The following PROX1 variants were observed in gnomAD, a reference collection of about 807,000 sequenced individuals.
PROX1 encodes the protein prospero homeobox 1.
A neutral mutation model predicts 58.8 loss-of-function variants in PROX1; 7 were observed. That is an observed-to-expected ratio of 0.12 (90% CI 0.07 to 0.22). The LOEUF is 0.22. Among genes scored for constraint, PROX1 ranks in the 10% least tolerant of loss-of-function variants. PROX1 has a pLI of 1.00. For synonymous variants in PROX1, 350 were observed against 358.3 expected (o/e 0.98, Z 0.26); for missense variants, 675 against 927.8 (o/e 0.73, Z 3.54).
chr1:213,990,459 GTGTT>G (rs1285519487), intron 1 of PROX1, among the ~76,000 whole-genome samples: 1 of 151,180 alleles, frequency 6.6e-6, no homozygotes, highest in African/African-American at 2.4e-5. Context: ...AAGTTGGTAT[GTGTT>G]TGTTTATTTT....
chr1:214,025,290 T>A (rs1664414148), intron 4 of PROX1, among the ~76,000 whole-genome samples: 1 of 152,156 alleles, frequency 6.6e-6, no homozygotes. Context: ...TCAATCGAAC[T>A]ATCCTCCAAG....
At chr1:213,990,140 A>G (rs1456926087) in intron 1 of PROX1, among the ~76,000 whole-genome samples, 2 of 151,408 alleles carry the variant, frequency 1.3e-5, no homozygotes, top group South Asian at 2.1e-4. Context: ...ATTTAAAAAA[A>G]AAAAAAAAAA....
At chr1:214,024,106 C>T (rs1049352465) in intron 4 of PROX1, among the ~76,000 whole-genome samples, 2 of 152,140 alleles carry the variant, frequency 1.3e-5, no homozygotes, top group African/African-American at 4.8e-5. Context: ...CTAGGTTGTC[C>T]CACCCTAAAC....
chr1:213,992,271 C>T (rs756463911), intron 1 of PROX1, among the ~76,000 whole-genome samples: 6 of 151,960 alleles, frequency 3.9e-5, no homozygotes, highest in South Asian at 2.1e-4. Context: ...AACCTGATAA[C>T]GCAATCTTAG....
rs1664844647 is a variant in PROX1, at chr1:214,036,834, G to A, written c.*1000G>A. 2 of 152,188 alleles carry A rather than the reference G, an allele frequency of 1.3e-5. No individual in the cohort carries two copies. The highest frequency in any genetic ancestry group is 4.8e-5 in the African/African-American group (2 of 41,456). The allele number at this position is 152,188 out of a possible 1,614,324, so 9.4% of individuals were successfully genotyped here. On this transcript the variant is annotated 3_prime_UTR_variant, in exon 5 of 5. Transcript: ENST00000366958. ...GGCCATAAAATTCTTGCCTACACTA[G>A]AAGTTTGTTGACAGCCATTAGCTGA...
chr1:214,031,816 G>A (rs1664667540), intron 4 of PROX1, among the ~76,000 whole-genome samples: 2 of 152,086 alleles, frequency 1.3e-5, no homozygotes, highest in South Asian at 4.1e-4. Context: ...CAGAGGTAAA[G>A]GTCTCTTTTT....
In PROX1 at chr1:213,996,849, G is replaced by C; in HGVS notation, c.314G>C (p.Gly105Ala). ...QLLKNNMNKN[G>A]GTEPSFQASG... ...TTGAAAAATAACATGAACAAAAATG[G>C]TGGCACGGAGCCCAGTTTCCAAGCC... The change falls in exon 2 of 5, where the codon GGT becomes GCT. Residue 105 changes from glycine to alanine, a missense_variant. Physicochemically the swap from Gly to Ala is moderately conservative, Grantham distance 60 (BLOSUM62 0). Around this residue, in one of 8 missense-constraint regions of PROX1, gnomAD observed 157 missense variants for 197.8 expected, o/e 0.79. Coordinates refer to ENST00000366958, the MANE Select transcript of PROX1 (RefSeq NM_001270616.2). 6.2e-7 allele frequency: 1 copy of C among 1,614,088 alleles called. No homozygotes were observed. Among genetic ancestry groups the C allele is most frequent in the Non-Finnish European group, 8.5e-7 (1 of 1,180,012 alleles).
chr1:214,039,350 T>C lies in PROX1; in HGVS notation c.*3516T>C, dbSNP rs1160444903. The C allele has an allele frequency of 6.6e-6, 1 of 152,202 alleles. No individual in the cohort carries two copies. The highest frequency in any genetic ancestry group is 6.5e-5 in the Admixed American group (1 of 15,280). The allele number at this position is 152,202 out of a possible 1,614,324, so 9.4% of individuals were successfully genotyped here. On this transcript the variant is annotated 3_prime_UTR_variant, in exon 5 of 5. Transcript: ENST00000366958. ...CACCCACATATTCCTGAAGTTTGCTTTGTGCCTCCGAGTATTATTTAATTA... is the reference window on the plus strand; with the variant it reads ...CACCCACATATTCCTGAAGTTTGCTCTGTGCCTCCGAGTATTATTTAATTA...
chr1:214,011,833 A>C, intron 4 of PROX1, 118 bp downstream of exon 4: 1 of 794,836 alleles, frequency 1.3e-6, no homozygotes, highest in Non-Finnish European at 1.9e-6. Flanking sequence ...GCATCCCCCA[A>C]TAGAGTAACA....
chr1:214,017,051 C>T (rs1162455687), intron 4 of PROX1, among the ~76,000 whole-genome samples: 1 of 152,046 alleles, frequency 6.6e-6, no homozygotes, highest in Non-Finnish European at 1.5e-5. Context: ...CTTTACTTTG[C>T]TTATTGTCCT....
intron 4 of PROX1, among the ~76,000 whole-genome samples, chr1:214,035,070 T>C (rs1488593600): frequency 6.6e-6 from 1 of 152,196 alleles, no homozygotes; most frequent in Non-Finnish European, 1.5e-5. Context: ...AATATTATTA[T>C]TTTACTCCTT....
At chr1:214,034,801 C>T (rs1664776038) in intron 4 of PROX1, among the ~76,000 whole-genome samples, 1 of 152,106 alleles carries the variant, frequency 6.6e-6, no homozygotes, top group East Asian at 1.9e-4. Context: ...TGAGGAATTT[C>T]CTTACCCTCT....
At chr1:214,017,835 T>C (rs1664147856) in intron 4 of PROX1, among the ~76,000 whole-genome samples, 1 of 152,092 alleles carries the variant, frequency 6.6e-6, no homozygotes, top group Non-Finnish European at 1.5e-5. Context: ...CATAATTAAT[T>C]GTCCTTCAGC....
intron 4 of PROX1, among the ~76,000 whole-genome samples, chr1:214,012,023 A>G (rs914228511): frequency 1.3e-5 from 2 of 152,182 alleles, no homozygotes; most frequent in Admixed American, 6.5e-5. Flanking sequence ...AGAGTGATTC[A>G]TTTTCCAAGG....
intron 4 of PROX1, among the ~76,000 whole-genome samples, chr1:214,020,083 T>G (rs374219019): frequency 1.9e-4 from 29 of 152,198 alleles, no homozygotes; most frequent in African/African-American, 5.5e-4. Flanking sequence ...CCATGAAGAC[T>G]AACGTTTTCA....
At chr1:214,004,498 C>T (rs1302028434) in intron 2 of PROX1, among the ~76,000 whole-genome samples, 1 of 152,138 alleles carries the variant, frequency 6.6e-6, no homozygotes, top group Admixed American at 6.5e-5. Flanking sequence ...TGGTTTTGGA[C>T]CATTGCTTTC....
rs1349120169 is a variant in PROX1 at position 213,996,655 on chromosome 1, G to A, written c.120G>A (p.Thr40=). The A allele has an allele frequency of 6.2e-7, 1 of 1,614,066 alleles. No homozygotes were observed. Among genetic ancestry groups the A allele is most frequent in the East Asian group, 2.2e-5 (1 of 44,898 alleles). The change falls in exon 2 of 5, where the codon ACG becomes ACA. Residue 40 remains threonine, a synonymous_variant. Transcript: ENST00000366958. ...CATTTTTTGCTAAGGCAAGAGCAACGTTTTTTAGTGCCATGAATCCCCAAG... is the reference window on the plus strand; with the variant it reads ...CATTTTTTGCTAAGGCAAGAGCAACATTTTTTAGTGCCATGAATCCCCAAG... ...ASAFFAKARA[T]FFSAMNPQGS...
intron 2 of PROX1, among the ~76,000 whole-genome samples, chr1:214,004,595 A>C (rs1044041589): frequency 6.6e-6 from 1 of 152,228 alleles, no homozygotes; most frequent in African/African-American, 2.4e-5. Context: ...AAAAACAATT[A>C]AAAGGATATA....
chr1:213,983,814 T>C (rs1049399197), upstream of PROX1: 1 of 152,084 alleles, frequency 6.6e-6, no homozygotes, highest in African/African-American at 2.4e-5. Context: ...GGTGTTTTTG[T>C]TTTTGTTTGG....
Sources: allele counts gnomAD v4.1 joint callset (sites outside exome capture counted in the v4.1 genomes callset), GRCh38; gene constraint gnomAD v4.1.1; regional missense constraint gnomAD v4.1.1; transcripts MANE v1.5; gene names NCBI Gene and HGNC (gene_info 2026-07-23, HGNC 2026-07-21).